Variants in RASD2 observed in about 807,000 individuals in gnomAD.
The protein encoded by RASD2 is RASD family member 2.
RASD2 carries 7 observed loss-of-function variants against 15.8 expected under a neutral mutation model. The observed-to-expected ratio is 0.44, with a 90% confidence interval of 0.25 to 0.83. RASD2 has a LOEUF of 0.83. RASD2 is among the 40% of genes least tolerant of loss of function. The pLI, the probability that RASD2 is intolerant of heterozygous loss-of-function variation, is 0.20. For synonymous variants in RASD2, 155 were observed against 153.6 expected, an observed-to-expected ratio of 1.01 and a Z score of -0.07; for missense variants, 274 against 382.8, an observed-to-expected ratio of 0.72 and a Z score of 2.37.
At chr22:35,535,911 T>C (rs911787127), upstream of RASD2, among the ~76,000 whole-genome samples, 1 of 41,642 alleles carries the variant, frequency 2.4e-5, no homozygotes, top group Non-Finnish European at 5.0e-5. Context: ...GCTCAGTGGG[T>C]GGGGGGAGGG....
intron 2 of RASD2, among the ~76,000 whole-genome samples, chr22:35,550,743 C>T (rs1934641933): frequency 6.6e-6 from 1 of 152,238 alleles, no homozygotes; most frequent in Admixed American, 6.5e-5. Context: ...AAATCTCAGC[C>T]TAGCCACACG....
rs146344767 is a variant in RASD2, at chr22:35,551,696, G to C, written c.465G>C (p.Glu155Asp). 11 of 1,613,746 alleles carry C rather than the reference G, an allele frequency of 6.8e-6. No homozygotes were observed. Among genetic ancestry groups the C allele is most frequent in the Non-Finnish European group, 8.5e-6 (10 of 1,179,796 alleles). ...TGTGCCGCCAGGTGCCCACCACCGA[G>C]GCCGAGCTGCTGGTGTCGGGCGACG... The part of the protein sequence containing the change: ...GELCRQVPTT[E>D]AELLVSGDEN... The change falls in exon 3 of 3, where the codon GAG becomes GAC. Residue 155 changes from glutamate (E) to aspartate (D), a missense_variant. Coordinates refer to ENST00000216127, the MANE Select transcript of RASD2 (RefSeq NM_014310.4). The surrounding 1 kb of genome is among the most constrained non-coding windows in gnomAD (Gnocchi z 4.9).
upstream of RASD2, among the ~76,000 whole-genome samples, chr22:35,536,923 C>G (rs1934254872): frequency 6.6e-6 from 1 of 152,192 alleles, no homozygotes. Flanking sequence ...CTTAGGGGAG[C>G]TTTAAACCGT....
In RASD2 at chr22:35,551,015, T is replaced by G. The variant is rs75251610; in HGVS notation, c.272-488T>G. Reference sequence around the variant, plus strand: ...CATCCTGCAAGGTAATATTTCATCTTCATGAAACAGACAGAGAAACTGAGG... The same window carrying G: ...CATCCTGCAAGGTAATATTTCATCTGCATGAAACAGACAGAGAAACTGAGG... On this transcript the variant is annotated intron_variant, in intron 2 of 2. Coordinates refer to ENST00000216127, the MANE Select transcript of RASD2 (RefSeq NM_014310.4). This position sits in a 1 kb window ranked among gnomAD's most constrained non-coding sequence, Gnocchi z 4.9. Among the ~76,000 whole-genome samples the G allele has an allele frequency of 0.013, 1,931 of 152,344 alleles. 45 individuals carry two copies. The highest frequency in any genetic ancestry group is 0.044 in the African/African-American group (1,832 of 41,578).
chr22:35,535,923 C>T (rs1320039654), upstream of RASD2, among the ~76,000 whole-genome samples: 1 of 150,072 alleles, frequency 6.7e-6, no homozygotes, highest in African/African-American at 2.5e-5. Context: ...GGGGGAGGGG[C>T]AGCAAGAGGC....
upstream of RASD2, among the ~76,000 whole-genome samples, chr22:35,535,872 A>G (rs919553775): frequency 2.4e-5 from 3 of 124,986 alleles, no homozygotes; most frequent in African/African-American, 9.0e-5. Flanking sequence ...CAGGCTCCTG[A>G]CTGAATTGGG....
chr22:35,547,311 C>T (rs986672257), intron 2 of RASD2, among the ~76,000 whole-genome samples: 2 of 152,252 alleles, frequency 1.3e-5, no homozygotes, highest in African/African-American at 2.4e-5. Context: ...CTGTCGGGGC[C>T]GCCTTCCAGA....
chr22:35,533,531 A>G, the RASD2 span, among the ~76,000 whole-genome samples: 1 of 148,828 alleles, frequency 6.7e-6, no homozygotes, highest in Non-Finnish European at 1.5e-5. Context: ...TAATAATGAT[A>G]GTGATGATGG....
At position 35,547,087 on chromosome 22, in the gene RASD2, C is replaced by A. The variant is rs1050989071; in HGVS notation, c.271+7C>A. 4 of 1,608,352 alleles carry A rather than the reference C, an allele frequency of 2.5e-6. No homozygotes were observed. Among genetic ancestry groups the A allele is most frequent in the Admixed American group, 3.3e-5 (2 of 59,892 alleles). On this transcript the variant is annotated splice_region_variant and intron_variant, in intron 2 of 2. Transcript: ENST00000216127. ...AGGCTGTCCATCCTCACAGGTGAGG[C>A]CCACTGGTGCCTGGGCTGGGGCGGC...
chr22:35,533,896 CGGGGATGAT>C, the RASD2 span, among the ~76,000 whole-genome samples: 1 of 117,746 alleles, frequency 8.5e-6, no homozygotes, highest in African/African-American at 3.3e-5. Context: ...ATGGTGATGA[CGGGGATGAT>C]GATGAGAGTG....
At chr22:35,547,306 G>A (rs932515562) in intron 2 of RASD2, among the ~76,000 whole-genome samples, 5 of 152,208 alleles carry the variant, frequency 3.3e-5, no homozygotes, top group African/African-American at 1.2e-4. Flanking sequence ...CATGGCTGTC[G>A]GGGCCGCCTT....
Position 35,541,272 on chromosome 22 carries a change from C to G in RASD2, c.-238C>G, listed in dbSNP as rs958858348. 6 of 151,946 alleles carry G rather than the reference C, an allele frequency of 3.9e-5. No individual in the cohort carries two copies. Among genetic ancestry groups the G allele is most frequent in the Non-Finnish European group, 7.4e-5 (5 of 67,974 alleles). The allele number at this position is 151,946 out of a possible 1,614,324, so 9.4% of individuals were successfully genotyped here. On this transcript the variant is annotated 5_prime_UTR_variant, in exon 1 of 3. Coordinates refer to ENST00000216127, the MANE Select transcript of RASD2 (RefSeq NM_014310.4). ...AGCCCGCCCCCTGCCCGGGCCCCGC[C>G]GAGCCCTCGGAGCCCACCCATGGGG...
At position 35,552,057 on chromosome 22, in the gene RASD2, G is replaced by C. The variant is rs778297728; in HGVS notation, c.*25G>C. The C allele has an allele frequency of 6.3e-7, 1 of 1,580,424 alleles. No homozygotes were observed. Among genetic ancestry groups the C allele is most frequent in the Non-Finnish European group, 8.6e-7 (1 of 1,167,264 alleles). ...AGCGAGGGATGCTGGGGCGGGGCTT[G>C]GCCAGTGCCTTCAGGGAGGTGGCCC... is the stretch of plus-strand genomic sequence containing the variant. On this transcript the variant is annotated 3_prime_UTR_variant, in exon 3 of 3. Coordinates refer to ENST00000216127, the MANE Select transcript of RASD2 (RefSeq NM_014310.4).
Position 35,546,980 on chromosome 22 carries a change from T to C in RASD2, c.171T>C (p.Arg57=), listed in dbSNP as rs527381599. ...CACCCACCATCGAGGACTTCCACCGTAAGGTATACAACATCCGCGGCGACA... is the reference window on the plus strand; with the variant it reads ...CACCCACCATCGAGGACTTCCACCGCAAGGTATACAACATCCGCGGCGACA... ...QYTPTIEDFH[R]KVYNIRGDMY... The change falls in exon 2 of 3, where the codon CGT becomes CGC. Residue 57 remains arginine, a synonymous_variant. Transcript: ENST00000216127. 6.2e-7 allele frequency: 1 copy of C among 1,613,976 alleles called. No individual in the cohort carries two copies. The highest frequency in any genetic ancestry group is 8.5e-7 in the Non-Finnish European group (1 of 1,180,026).
the RASD2 span, among the ~76,000 whole-genome samples, chr22:35,534,727 C>T: frequency 4.6e-5 from 7 of 152,362 alleles, no homozygotes; most frequent in East Asian, 7.7e-4. Context: ...GGGCACTCAG[C>T]TGAGGAAATA....
intron 2 of RASD2, among the ~76,000 whole-genome samples, chr22:35,549,980 G>A (rs1326090594): frequency 6.6e-6 from 1 of 152,184 alleles, no homozygotes; most frequent in African/African-American, 2.4e-5. Flanking sequence ...AGCAAAAGTG[G>A]TTGGACGCAG....
Position 35,546,801 on chromosome 22 carries a change from C to G in RASD2, c.-9C>G. 6 of 1,612,152 alleles carry G rather than the reference C, an allele frequency of 3.7e-6. No individual in the cohort carries two copies. The highest frequency in any genetic ancestry group is 5.1e-6 in the Non-Finnish European group (6 of 1,178,990). ...GCCTGCTTCTCTCGCTTTGTTGCAG[C>G]CCCGAGCCATGATGAAGACTTTGTC... is the stretch of plus-strand genomic sequence containing the variant. On this transcript the variant is annotated splice_region_variant and 5_prime_UTR_variant, in exon 2 of 3. Coordinates refer to ENST00000216127, the MANE Select transcript of RASD2 (RefSeq NM_014310.4).
At chr22:35,539,289 G>A (rs576451950), upstream of RASD2, among the ~76,000 whole-genome samples, 15 of 152,094 alleles carry the variant, frequency 9.9e-5, no homozygotes, top group Admixed American at 8.5e-4. Context: ...AGGTAGTTAC[G>A]GAGACAGGAC....
chr22:35,532,831 G>T, the RASD2 span, among the ~76,000 whole-genome samples: 1 of 152,030 alleles, frequency 6.6e-6, no homozygotes, highest in Non-Finnish European at 1.5e-5. Flanking sequence ...CAGGTTCTTC[G>T]GTGCCCTCCA....
Sources: allele counts gnomAD v4.1 joint callset (sites outside exome capture counted in the v4.1 genomes callset), GRCh38; gene constraint gnomAD v4.1.1; non-coding constraint Gnocchi (gnomAD v3.1); transcripts MANE v1.5; gene names NCBI Gene and HGNC (gene_info 2026-07-23, HGNC 2026-07-21).